Variants in SNAPC3 observed in about 807,000 individuals in gnomAD.
SNAPC3 encodes the protein small nuclear RNA activating complex polypeptide 3.
SNAPC3 carries 56 observed loss-of-function variants against 47.7 expected under a neutral mutation model. The ratio of observed to expected loss-of-function variants is 1.18; its 90% CI spans 0.95 to 1.47. SNAPC3 has a LOEUF of 1.47. Ranked by LOEUF, SNAPC3 falls within the 40% of genes most tolerant of loss-of-function variation. SNAPC3 has a pLI of 0.00. For synonymous variants in SNAPC3, 235 were observed against 189.9 expected, an observed-to-expected ratio of 1.24 and a Z score of -1.95; for missense variants, 665 against 511.3, an observed-to-expected ratio of 1.30 and a Z score of -2.90.
intron 2 of SNAPC3, among the ~76,000 whole-genome samples, chr9:15,430,607 C>G (rs1163675999): frequency 6.6e-6 from 1 of 152,178 alleles, no homozygotes; most frequent in Admixed American, 6.5e-5. Flanking sequence ...ACCCCTCCAA[C>G]AATATGAAAA....
chr9:15,461,313 C>T lies in SNAPC3; in HGVS notation c.*1447C>T, dbSNP rs913930330. On this transcript the variant is annotated 3_prime_UTR_variant, in exon 9 of 9. Transcript: ENST00000380821. ...GTAGCTGAGACATGGTGGCACAGGC[C>T]ACCATGGCGGGCTAATTTTTTTATT... 4 of 152,188 alleles carry T rather than the reference C, an allele frequency of 2.6e-5. No individual in the cohort carries two copies. The highest frequency in any genetic ancestry group is 9.7e-5 in the African/African-American group (4 of 41,428). The allele number at this position is 152,188 out of a possible 1,614,324, so 9.4% of individuals were successfully genotyped here.
downstream of SNAPC3, chr9:15,465,400 TCAAAA>T (rs1012891611): frequency 4.6e-6 from 4 of 876,178 alleles, no homozygotes; most frequent in African/African-American, 3.5e-5. Flanking sequence ...ATTTTCTCCC[TCAAAA>T]CAAGTTTTCA....
At chr9:15,441,542 G>A (rs949266707) in intron 3 of SNAPC3, among the ~76,000 whole-genome samples, 23 of 151,758 alleles carry the variant, frequency 1.5e-4, no homozygotes, top group Non-Finnish European at 3.2e-4. Context: ...GGACCCTGCG[G>A]CCTTCTGCAG....
chr9:15,450,981 A>C (rs2034342775), intron 5 of SNAPC3, among the ~76,000 whole-genome samples: 1 of 152,254 alleles, frequency 6.6e-6, no homozygotes, highest in Non-Finnish European at 1.5e-5. Flanking sequence ...AGAAAAACAT[A>C]GCTCGATGAT....
At chr9:15,455,898 G>A (rs1450405749) in intron 7 of SNAPC3, among the ~76,000 whole-genome samples, 1 of 151,322 alleles carries the variant, frequency 6.6e-6, no homozygotes, top group Non-Finnish European at 1.5e-5. Context: ...TTTTGAGACC[G>A]AGTTTCGCTC....
intron 3 of SNAPC3, among the ~76,000 whole-genome samples, chr9:15,441,378 C>CTTTTTTTTTTTTTTTT (rs1351664407): frequency 4.9e-5 from 2 of 40,504 alleles, no homozygotes; most frequent in African/African-American, 1.5e-4. Context: ...CAAGAGTTCC[C>CTTTTTTTTTTTTTTTT]TTTTCTTTTT....
chr9:15,442,734 C>A (rs1244052089), intron 3 of SNAPC3, among the ~76,000 whole-genome samples: 1 of 152,100 alleles, frequency 6.6e-6, no homozygotes, highest in Non-Finnish European at 1.5e-5. Flanking sequence ...CGATGGGCAG[C>A]CAGGCAGAGA....
chr9:15,451,937 G>A (rs116312939), intron 6 of SNAPC3, among the ~76,000 whole-genome samples: 2 of 149,916 alleles, frequency 1.3e-5, no homozygotes, highest in African/African-American at 4.9e-5. Flanking sequence ...AACAATTACA[G>A]TATACAAGTA....
At chr9:15,445,284 A>G (rs988284779) in intron 4 of SNAPC3, among the ~76,000 whole-genome samples, 17 of 152,364 alleles carry the variant, frequency 1.1e-4, no homozygotes, top group Admixed American at 9.8e-4. Flanking sequence ...AACTGAAAGT[A>G]TATGTAAATC....
intron 7 of SNAPC3, among the ~76,000 whole-genome samples, chr9:15,455,205 A>G (rs1469208909): frequency 6.6e-6 from 1 of 152,224 alleles, no homozygotes; most frequent in Non-Finnish European, 1.5e-5. Context: ...AGAAGAATAC[A>G]TAAACCTTGG....
intron 3 of SNAPC3, among the ~76,000 whole-genome samples, chr9:15,438,707 A>G (rs887089655): frequency 6.6e-6 from 1 of 152,150 alleles, no homozygotes; most frequent in African/African-American, 2.4e-5. Flanking sequence ...GATTTCTAAT[A>G]TTCACTTAAT....
At chr9:15,447,487 G>T (rs755691778) in intron 5 of SNAPC3, among the ~76,000 whole-genome samples, 11 of 150,860 alleles carry the variant, frequency 7.3e-5, no homozygotes, top group African/African-American at 2.4e-4. Context: ...TTCCTTCTGG[G>T]CTAATAGTGA....
At chr9:15,464,911 CTTAA>C (rs2035508863), downstream of SNAPC3, 1 of 213,264 alleles carries the variant, frequency 4.7e-6, no homozygotes, top group Non-Finnish European at 9.5e-6. Context: ...ATGTCAGTTG[CTTAA>C]TTAGTTGTCA....
intron 5 of SNAPC3, among the ~76,000 whole-genome samples, chr9:15,450,753 T>A (rs1013253701): frequency 6.6e-5 from 10 of 152,200 alleles, no homozygotes; most frequent in African/African-American, 2.4e-4. Flanking sequence ...TTTTTGTGAT[T>A]TGATTTTGCA....
At chr9:15,437,262 C>G (rs1199741878) in intron 3 of SNAPC3, among the ~76,000 whole-genome samples, 1 of 149,146 alleles carries the variant, frequency 6.7e-6, no homozygotes, top group Non-Finnish European at 1.5e-5. Context: ...TTGAGACAGT[C>G]TTGTTCTGTC....
At chr9:15,463,687 T>C (rs1418348263), downstream of SNAPC3, 2 of 149,522 alleles carry the variant, frequency 1.3e-5, no homozygotes, top group African/African-American at 2.6e-5. Context: ...AATCAGCCTA[T>C]GACACCATTT....
chr9:15,442,339 C>T (rs1297625923), intron 3 of SNAPC3, among the ~76,000 whole-genome samples: 6 of 150,466 alleles, frequency 4.0e-5, no homozygotes, highest in Admixed American at 1.3e-4. Flanking sequence ...CTGGACGGGG[C>T]GGCTGCCGGG....
chr9:15,458,833 G>A (rs2034988968), intron 8 of SNAPC3, among the ~76,000 whole-genome samples: 1 of 152,222 alleles, frequency 6.6e-6, no homozygotes, highest in East Asian at 1.9e-4. Flanking sequence ...TTCAAGATCA[G>A]AAATCCAAAA....
At chr9:15,433,834 T>C (rs2032472621) in intron 3 of SNAPC3, 198 bp downstream of exon 3, 1 of 403,962 alleles carries the variant, frequency 2.5e-6, no homozygotes, top group Non-Finnish European at 4.4e-6. Flanking sequence ...TTTGACTTTT[T>C]CAGATCTCTG....
Sources: gnomAD v4.1 joint callset for allele counts (sites outside exome capture counted in the v4.1 genomes callset) on GRCh38, gnomAD v4.1.1 for gene constraint, MANE v1.5 for transcripts, NCBI Gene and HGNC (gene_info 2026-07-23, HGNC 2026-07-21) for gene names.